The following GPC6 variants were observed in gnomAD, a reference collection of about 807,000 sequenced individuals.
GPC6 encodes the protein glypican 6.
In GPC6, 14 loss-of-function variants were observed where a neutral mutation model predicts 55.2. The observed-to-expected ratio is 0.25, with a 90% CI of 0.17 to 0.40. The LOEUF is 0.40. GPC6 is among the 10% of genes least tolerant of loss of function. The pLI, the probability that GPC6 is intolerant of heterozygous loss-of-function variation, is 1.00. For synonymous variants in GPC6, 278 were observed against 259.6 expected, an observed-to-expected ratio of 1.07 and a Z score of -0.68; for missense variants, 641 against 708.5, an observed-to-expected ratio of 0.90 and a Z score of 1.08.
intron 4 of GPC6, among the ~76,000 whole-genome samples, chr13:94,192,718 C>T (rs1034030720): frequency 7.2e-5 from 11 of 152,154 alleles, no homozygotes; most frequent in African/African-American, 2.4e-4. Context: ...TGGGAAAGGG[C>T]AACTGAGAGA....
At chr13:93,613,835 C>G (rs1014808618) in intron 2 of GPC6, among the ~76,000 whole-genome samples, 1 of 152,130 alleles carries the variant, frequency 6.6e-6, no homozygotes, top group Admixed American at 6.6e-5. Context: ...GATGTCACTT[C>G]GTAGAGGGCC....
chr13:93,833,104 TGATAGAGAGAGAGA>T (rs1167593981), intron 3 of GPC6, among the ~76,000 whole-genome samples: 1 of 61,604 alleles, frequency 1.6e-5, no homozygotes, highest in Non-Finnish European at 3.3e-5. Flanking sequence ...GATAGGTAGA[TGATAGAGAGAGAGA>T]GAGAGAGAGA....
chr13:93,692,638 A>T (rs17267898), intron 2 of GPC6, among the ~76,000 whole-genome samples: 73,277 of 151,892 alleles, frequency 0.48, 19,867 homozygotes, highest in Middle Eastern at 0.73. Context: ...AAATTTTAGT[A>T]CTTATTTTCT....
Position 93,237,998 on chromosome 13 carries a change from G to A in GPC6, c.160+10382G>A, listed in dbSNP as rs144266647. On this transcript the variant is annotated intron_variant, in intron 1 of 8. Coordinates refer to ENST00000377047, the MANE Select transcript of GPC6 (RefSeq NM_005708.5). ...GTAGTATAATTTGAAGTTGGGTGAT[G>A]TGATGCCTTCAGCTTTGTTCTTTTT... Among the ~76,000 whole-genome samples, 9 of 152,272 alleles carry A rather than the reference G, an allele frequency of 5.9e-5. No homozygotes were observed. The East Asian group carries it at 1.5e-3, about 26-fold the overall frequency.
intron 4 of GPC6, among the ~76,000 whole-genome samples, chr13:94,116,457 G>A (rs977511642): frequency 6.6e-6 from 1 of 152,020 alleles, no homozygotes; most frequent in African/African-American, 2.4e-5. Context: ...TTCATTCTGA[G>A]CCCCTGAACA....
chr13:94,200,487 A>G (rs1889716039), intron 4 of GPC6, among the ~76,000 whole-genome samples: 1 of 152,222 alleles, frequency 6.6e-6, no homozygotes, highest in African/African-American at 2.4e-5. Context: ...TCTGCATATT[A>G]TAGAGGAGAC....
At chr13:93,254,604 T>A (rs1217812684) in intron 1 of GPC6, among the ~76,000 whole-genome samples, 4 of 152,192 alleles carry the variant, frequency 2.6e-5, no homozygotes, top group Non-Finnish European at 4.4e-5. Context: ...GCTTTATTTT[T>A]TAATTTTTAT....
At chr13:93,480,590 C>T (rs182456279) in intron 1 of GPC6, among the ~76,000 whole-genome samples, 1 of 152,104 alleles carries the variant, frequency 6.6e-6, no homozygotes, top group Non-Finnish European at 1.5e-5. Flanking sequence ...TCACCACTCT[C>T]GATTTCTTGA....
chr13:93,421,471 C>G (rs1051428976), intron 1 of GPC6, among the ~76,000 whole-genome samples: 2 of 152,130 alleles, frequency 1.3e-5, no homozygotes, highest in Non-Finnish European at 2.9e-5. Flanking sequence ...CACTACTTTA[C>G]TAAATTCTAA....
chr13:93,723,033 C>T (rs1321602796), intron 2 of GPC6, among the ~76,000 whole-genome samples: 2 of 151,938 alleles, frequency 1.3e-5, no homozygotes, highest in African/African-American at 4.8e-5. Flanking sequence ...GTTAGTACCC[C>T]AGCATATATT....
rs74111427 is a variant in GPC6, at chr13:94,063,722, T to G, written c.877+35828T>G. Among the ~76,000 whole-genome samples, 474 of 152,264 alleles carry G rather than the reference T, an allele frequency of 3.1e-3. 4 individuals carry two copies. The highest frequency in any genetic ancestry group is 0.01 in the African/African-American group (421 of 41,546). The stretch of plus-strand genomic sequence containing the variant: ...TTATTCACATCAGGAAAACACTGAT[T>G]CAGTACTACAAGCAAAGAGGGGTGA... On this transcript the variant is annotated intron_variant, in intron 4 of 8. Transcript: ENST00000377047.
chr13:93,472,575 G>T (rs750883365), intron 1 of GPC6, among the ~76,000 whole-genome samples: 44 of 152,216 alleles, frequency 2.9e-4, no homozygotes, highest in Non-Finnish European at 4.7e-4. Flanking sequence ...GGGGTGCCCG[G>T]AAGCTTGGAG....
chr13:94,097,400 A>G (rs908893256), intron 4 of GPC6, among the ~76,000 whole-genome samples: 6 of 148,796 alleles, frequency 4.0e-5, no homozygotes, highest in African/African-American at 1.5e-4. Flanking sequence ...CCAGCTACCG[A>G]GGAGGCTGAG....
At chr13:93,474,513 C>T (rs1879234680) in intron 1 of GPC6, among the ~76,000 whole-genome samples, 1 of 152,132 alleles carries the variant, frequency 6.6e-6, no homozygotes. Flanking sequence ...CCTTCTGTAA[C>T]TGTGCCAGCA....
intron 4 of GPC6, among the ~76,000 whole-genome samples, chr13:94,109,392 T>C (rs1886162737): frequency 6.6e-6 from 1 of 152,184 alleles, no homozygotes; most frequent in Non-Finnish European, 1.5e-5. Context: ...AATCAGTTTT[T>C]TTCTGGTCCT....
At chr13:93,806,767 A>C (rs1302333639) in intron 2 of GPC6, among the ~76,000 whole-genome samples, 1 of 152,254 alleles carries the variant, frequency 6.6e-6, no homozygotes. Context: ...ATGATAAAAT[A>C]TTAATTCTAT....
At chr13:94,200,218 C>T (rs947318493) in intron 4 of GPC6, among the ~76,000 whole-genome samples, 4 of 151,292 alleles carry the variant, frequency 2.6e-5, no homozygotes, top group African/African-American at 4.9e-5. Context: ...TCAGGAATTG[C>T]TCTCTGGAAA....
At chr13:93,431,876 T>G (rs535158527) in intron 1 of GPC6, among the ~76,000 whole-genome samples, 1 of 152,194 alleles carries the variant, frequency 6.6e-6, no homozygotes, top group African/African-American at 2.4e-5. Context: ...TTCCTGTAGA[T>G]AAGAGATATA....
chr13:94,389,284 G>A (rs915284737), intron 7 of GPC6, among the ~76,000 whole-genome samples: 1 of 152,156 alleles, frequency 6.6e-6, no homozygotes, highest in Non-Finnish European at 1.5e-5. Flanking sequence ...GACCCTAGGA[G>A]GACATTTGCA....
Sources: gnomAD v4.1 joint callset for allele counts (sites outside exome capture counted in the v4.1 genomes callset) on GRCh38, gnomAD v4.1.1 for gene constraint, MANE v1.5 for transcripts, NCBI Gene and HGNC (gene_info 2026-07-23, HGNC 2026-07-21) for gene names.